Variants in CSMD1 observed in about 807,000 individuals in gnomAD.
The protein encoded by CSMD1 is CUB and sushi domain-containing protein 1.
CSMD1 carries 213 observed loss-of-function variants against 417.5 expected under a neutral mutation model. That is an observed-to-expected ratio of 0.51 (90% CI 0.46 to 0.57). The LOEUF (loss-of-function observed/expected upper bound fraction) is 0.57, where lower values mean the gene tolerates loss of function less well. Among genes scored for constraint, CSMD1 ranks in the 20% least tolerant of loss-of-function variants. The pLI is 0.00. For missense variants in CSMD1, 6,923 were observed against 4,529.7 expected (o/e 1.53, Z -15.17); for synonymous variants, 2,862 against 1,736.8 (o/e 1.65, Z -16.11).
chr8:3,380,648 C>G (rs531464683), intron 18 of CSMD1, among the ~76,000 whole-genome samples: 3 of 152,190 alleles, frequency 2.0e-5, no homozygotes, highest in Admixed American at 1.3e-4. Flanking sequence ...AATACAAAAC[C>G]AAACACCACA....
chr8:3,492,057 G>C (rs999312543), intron 11 of CSMD1, among the ~76,000 whole-genome samples: 1 of 152,184 alleles, frequency 6.6e-6, no homozygotes, highest in Non-Finnish European at 1.5e-5. Flanking sequence ...ATCAGTGAAG[G>C]AGAACTTGTG....
At chr8:3,142,758 C>G in intron 40 of CSMD1, 84 bp from the exon 41 acceptor site, 1 of 1,110,022 alleles carries the variant, frequency 9.0e-7, no homozygotes, top group Non-Finnish European at 1.4e-6. Context: ...GAAGTGTTAG[C>G]AGTCTCCCCA....
intron 1 of CSMD1, among the ~76,000 whole-genome samples, chr8:4,893,331 T>C (rs925970042): frequency 2.0e-5 from 3 of 152,070 alleles, no homozygotes; most frequent in African/African-American, 7.3e-5. Context: ...TTATTTTATG[T>C]TGTTTAGTAT....
At chr8:4,948,857 G>A (rs901488747) in intron 1 of CSMD1, among the ~76,000 whole-genome samples, 1 of 152,000 alleles carries the variant, frequency 6.6e-6, no homozygotes, top group Non-Finnish European at 1.5e-5. Context: ...GTTATGGTGT[G>A]AATCTTTTCA....
At chr8:4,799,933 T>C (rs1328946829) in intron 1 of CSMD1, among the ~76,000 whole-genome samples, 3 of 152,142 alleles carry the variant, frequency 2.0e-5, no homozygotes, top group Admixed American at 2.0e-4. Context: ...TCGAAAGCGA[T>C]GCATGTACCC....
At chr8:4,637,248 C>A (rs1802876880) in intron 2 of CSMD1, 94 bp downstream of exon 2, 1 of 1,148,086 alleles carries the variant, frequency 8.7e-7, no homozygotes, top group Non-Finnish European at 1.3e-6. Context: ...GAACCAACTC[C>A]GGACACAATA....
At chr8:4,741,791 C>G (rs1810623530) in intron 1 of CSMD1, among the ~76,000 whole-genome samples, 1 of 152,060 alleles carries the variant, frequency 6.6e-6, no homozygotes, top group South Asian at 2.1e-4. Flanking sequence ...AAATCTGCTT[C>G]TAAACAGTGC....
intron 1 of CSMD1, among the ~76,000 whole-genome samples, chr8:4,648,236 A>T (rs966892473): frequency 2.0e-5 from 3 of 152,144 alleles, no homozygotes; most frequent in Non-Finnish European, 4.4e-5. Flanking sequence ...GTCTGTTCAT[A>T]TCCTTTGCCC....
intron 1 of CSMD1, among the ~76,000 whole-genome samples, chr8:4,748,875 A>G (rs1213042205): frequency 6.6e-6 from 1 of 152,266 alleles, no homozygotes; most frequent in Non-Finnish European, 1.5e-5. Flanking sequence ...GAGTTATTCA[A>G]CAAAGTTATT....
chr8:4,455,026 C>A (rs1799383252), intron 2 of CSMD1, among the ~76,000 whole-genome samples: 2 of 151,998 alleles, frequency 1.3e-5, no homozygotes, highest in African/African-American at 4.8e-5. Context: ...GTGTGTCAGT[C>A]CGCTGTCATC....
intron 1 of CSMD1, among the ~76,000 whole-genome samples, chr8:4,905,351 A>G (rs544220815): frequency 1.3e-5 from 2 of 151,496 alleles, no homozygotes; most frequent in Non-Finnish European, 2.9e-5. Context: ...ATTTCTTCTC[A>G]TTAGACTCTT....
chr8:3,600,913 T>A (rs1010247206), intron 8 of CSMD1, among the ~76,000 whole-genome samples: 2 of 152,230 alleles, frequency 1.3e-5, no homozygotes, highest in Non-Finnish European at 2.9e-5. Flanking sequence ...GGTTTTGCTA[T>A]GTGATTGAAA....
chr8:4,778,858 G>T (rs1319580606), intron 1 of CSMD1, among the ~76,000 whole-genome samples: 1 of 152,182 alleles, frequency 6.6e-6, no homozygotes, highest in Non-Finnish European at 1.5e-5. Context: ...TTACTTTCAA[G>T]AACTGCTATA....
intron 2 of CSMD1, among the ~76,000 whole-genome samples, chr8:4,509,553 G>C (rs1235370120): frequency 2.6e-5 from 4 of 152,134 alleles, no homozygotes; most frequent in Admixed American, 2.0e-4. Flanking sequence ...AAATGGAAAG[G>C]ATGCTGGTCA....
chr8:4,233,085 T>C (rs933175815), intron 3 of CSMD1, among the ~76,000 whole-genome samples: 1 of 152,342 alleles, frequency 6.6e-6, no homozygotes, highest in South Asian at 2.1e-4. Context: ...TTCTGTGCAC[T>C]GGCACTGAAC....
chr8:3,108,463 G>A (rs1469721606), intron 44 of CSMD1, 140 bp downstream of exon 44: 20 of 721,614 alleles, frequency 2.8e-5, no homozygotes, highest in South Asian at 2.4e-4. Flanking sequence ...CACAGGAAAC[G>A]CTGGCCTCCA....
At chr8:3,398,738 A>C (rs1483170548) in intron 16 of CSMD1, among the ~76,000 whole-genome samples, 1 of 152,172 alleles carries the variant, frequency 6.6e-6, no homozygotes, top group Non-Finnish European at 1.5e-5. Flanking sequence ...TTTAATCATC[A>C]ATTTGGTCTC....
At chr8:3,054,284 G>A (rs897833738) in intron 49 of CSMD1, among the ~76,000 whole-genome samples, 1 of 152,160 alleles carries the variant, frequency 6.6e-6, no homozygotes, top group African/African-American at 2.4e-5. Context: ...GCTCTAAAAT[G>A]TCTCATGTTT....
intron 5 of CSMD1, among the ~76,000 whole-genome samples, chr8:3,840,995 C>G (rs1311284314): frequency 2.6e-5 from 4 of 152,218 alleles, no homozygotes; most frequent in African/African-American, 7.2e-5. Context: ...GCATGAACCA[C>G]TGCAGCTGTC....
Sources: gnomAD v4.1 joint callset for allele counts (sites outside exome capture counted in the v4.1 genomes callset) on GRCh38, gnomAD v4.1.1 for gene constraint, MANE v1.5 for transcripts, NCBI Gene and HGNC (gene_info 2026-07-23, HGNC 2026-07-21) for gene names.